The following AFF3 variants were observed in gnomAD, a reference collection of about 807,000 sequenced individuals.
AFF3 encodes the protein AF4/FMR2 family member 3.
Under a neutral mutation model 129.7 loss-of-function variants are expected in AFF3, and 32 were observed. That is an observed-to-expected ratio of 0.25 (90% CI 0.19 to 0.33). AFF3 has a LOEUF of 0.33. Ranked by LOEUF, AFF3 falls within the 10% of genes least tolerant of loss-of-function variation. AFF3 has a pLI of 1.00. For synonymous variants in AFF3, 644 were observed against 635.4 expected (o/e 1.01, Z -0.20); for missense variants, 1,373 against 1,592.0 (o/e 0.86, Z 2.34).
chr2:99,837,299 G>A (rs1001201209), intron 8 of AFF3, among the ~76,000 whole-genome samples, 178 bp downstream of exon 8: 1 of 152,094 alleles, frequency 6.6e-6, no homozygotes, highest in Non-Finnish European at 1.5e-5. Context: ...GCCCAGAGGG[G>A]GTGCAGCTCC....
At chr2:99,782,772 A>G (rs1410256023) in intron 8 of AFF3, among the ~76,000 whole-genome samples, 1 of 152,254 alleles carries the variant, frequency 6.6e-6, no homozygotes, top group Non-Finnish European at 1.5e-5. Context: ...TGCAGGTAAC[A>G]TTAGTGTTCT....
intron 8 of AFF3, among the ~76,000 whole-genome samples, chr2:99,778,372 C>G (rs1452294420): frequency 6.6e-6 from 1 of 152,170 alleles, no homozygotes; most frequent in African/African-American, 2.4e-5. Flanking sequence ...AGGGATGACA[C>G]AAGGTGCCTC....
chr2:99,604,698 GC>G (rs1190012225), intron 13 of AFF3, among the ~76,000 whole-genome samples: 3 of 152,100 alleles, frequency 2.0e-5, no homozygotes, highest in Non-Finnish European at 4.4e-5. Context: ...AAATAAAAAA[GC>G]AAAACAACAC....
intron 4 of AFF3, among the ~76,000 whole-genome samples, chr2:100,042,638 T>G (rs990495787): frequency 6.6e-6 from 1 of 152,190 alleles, no homozygotes; most frequent in Non-Finnish European, 1.5e-5. Flanking sequence ...TACTTAATTA[T>G]GATTAAGTAA....
At chr2:100,126,175 G>T (rs1238327672) in intron 2 of AFF3, among the ~76,000 whole-genome samples, 1 of 152,180 alleles carries the variant, frequency 6.6e-6, no homozygotes, top group Admixed American at 6.5e-5. Flanking sequence ...GAAATGGCTG[G>T]ATTTTCTCCT....
At chr2:99,882,889 T>C (rs1207674515) in intron 7 of AFF3, among the ~76,000 whole-genome samples, 1 of 152,158 alleles carries the variant, frequency 6.6e-6, no homozygotes, top group Non-Finnish European at 1.5e-5. Context: ...ACAACACTAA[T>C]TAGTGAGGAA....
chr2:99,565,531 G>A lies in AFF3; in HGVS notation c.3075C>T (p.Ser1025=), dbSNP rs1163198049. ...CTGAATACATCGTATAAGGAGATTT[G>A]GATTCCATGGGGCCTTGTTCCATTG... is the stretch of plus-strand genomic sequence containing the variant. ...GNAMEQGPME[S]KSPYTMYSET... Residue 1025 remains serine (S), a synonymous_variant, in exon 20 of 25, where the codon TCC becomes TCT. Transcript: ENST00000672756. 3 of 1,614,182 alleles carry A rather than the reference G, an allele frequency of 1.9e-6. No homozygotes were observed. Among genetic ancestry groups the A allele is most frequent in the Non-Finnish European group, 2.5e-6 (3 of 1,180,040 alleles).
chr2:99,853,624 G>C (rs992288012), intron 7 of AFF3, among the ~76,000 whole-genome samples: 1 of 147,294 alleles, frequency 6.8e-6, no homozygotes, highest in Non-Finnish European at 1.5e-5. Flanking sequence ...TTATAAAGTT[G>C]ATGCTGTTAT....
intron 7 of AFF3, among the ~76,000 whole-genome samples, chr2:99,951,951 A>T (rs1676206395): frequency 6.6e-6 from 1 of 152,192 alleles, no homozygotes; most frequent in Non-Finnish European, 1.5e-5. Flanking sequence ...AACTGACTGA[A>T]ATCTCTGAGA....
intron 10 of AFF3, among the ~76,000 whole-genome samples, chr2:99,739,786 A>G (rs1575833825): frequency 6.6e-6 from 1 of 151,976 alleles, no homozygotes; most frequent in South Asian, 2.1e-4. Context: ...GAAGCTCAGT[A>G]TTTCTCTATT....
intron 7 of AFF3, among the ~76,000 whole-genome samples, chr2:100,003,931 T>C (rs1012066478): frequency 6.6e-6 from 1 of 152,018 alleles, no homozygotes; most frequent in African/African-American, 2.4e-5. Flanking sequence ...TGCAGTCTAA[T>C]TTATTCAGTT....
intron 13 of AFF3, among the ~76,000 whole-genome samples, chr2:99,620,817 T>G (rs978723023): frequency 6.6e-6 from 1 of 152,156 alleles, no homozygotes; most frequent in Non-Finnish European, 1.5e-5. Context: ...TTTATTAGTT[T>G]ATGCAAGAGC....
intron 12 of AFF3, among the ~76,000 whole-genome samples, chr2:99,656,746 G>A (rs896385412): frequency 2.0e-5 from 3 of 151,972 alleles, no homozygotes; most frequent in South Asian, 2.1e-4. Flanking sequence ...TTTTCAACCC[G>A]TTTAGTAATA....
intron 8 of AFF3, among the ~76,000 whole-genome samples, chr2:99,808,016 T>C (rs1033019903): frequency 6.6e-6 from 1 of 151,800 alleles, no homozygotes; most frequent in South Asian, 2.1e-4. Flanking sequence ...CCCATCACCA[T>C]AGGGTAGGAA....
intron 11 of AFF3, among the ~76,000 whole-genome samples, chr2:99,689,932 C>T (rs1675439996): frequency 6.6e-6 from 1 of 150,542 alleles, no homozygotes; most frequent in African/African-American, 2.4e-5. Context: ...ACCAAAAATA[C>T]AAAAATTAGC....
chr2:99,649,027 A>T (rs1684988257), intron 13 of AFF3, among the ~76,000 whole-genome samples: 1 of 152,106 alleles, frequency 6.6e-6, no homozygotes, highest in Admixed American at 6.6e-5. Flanking sequence ...TTACATACCC[A>T]CATTCAACTA....
At chr2:99,943,952 G>C (rs1425537391) in intron 7 of AFF3, among the ~76,000 whole-genome samples, 4 of 151,858 alleles carry the variant, frequency 2.6e-5, no homozygotes, top group Non-Finnish European at 5.9e-5. Context: ...GCCCAGGCTG[G>C]ATCACAGTAG....
At chr2:99,566,122 T>TA (rs397706335) in intron 19 of AFF3, among the ~76,000 whole-genome samples, 32 of 152,012 alleles carry the variant, frequency 2.1e-4, no homozygotes, top group African/African-American at 7.5e-4. Context: ...CAATTTTTTT[T>TA]AATTTTTTTA....
At chr2:99,577,483 T>A (rs900383700) in intron 18 of AFF3, among the ~76,000 whole-genome samples, 2 of 152,140 alleles carry the variant, frequency 1.3e-5, no homozygotes, top group African/African-American at 4.8e-5. Context: ...GGTTAGTGGT[T>A]TGTAGTCTGC....
Sources: gnomAD v4.1 joint callset for allele counts (sites outside exome capture counted in the v4.1 genomes callset) on GRCh38, gnomAD v4.1.1 for gene constraint, MANE v1.5 for transcripts, NCBI Gene and HGNC (gene_info 2026-07-23, HGNC 2026-07-21) for gene names.